GGCX: variants seen among roughly 807,000 people sequenced by gnomAD.
GGCX encodes vitamin K-dependent gamma-carboxylase.
GGCX carries 63 observed loss-of-function variants against 88.5 expected under a neutral mutation model. The observed-to-expected ratio is 0.71, with a 90% CI of 0.58 to 0.88. The LOEUF is 0.88. GGCX is among the 40% of genes least tolerant of loss of function. The probability of loss-of-function intolerance (pLI) is 0.00; values close to 1 mark genes in which losing one functional copy is unlikely to be tolerated. For synonymous variants in GGCX, 368 were observed against 365.8 expected (o/e 1.01, Z -0.07); for missense variants, 805 against 932.9 (o/e 0.86, Z 1.79).
Position 85,547,395 on chromosome 2 carries a change from T to A in GGCX, c.*2539A>T, listed in dbSNP as rs1558801830. The A allele has an allele frequency of 6.6e-6, 1 of 152,324 alleles. No individual in the cohort carries two copies. Among genetic ancestry groups the A allele is most frequent in the South Asian group, 2.1e-4 (1 of 4,824 alleles). 9.4% of individuals were successfully genotyped at this position (152,324 alleles called of 1,614,324 possible). A position where few individuals can be genotyped will look rare whatever the true frequency, so the allele number is the denominator to read the frequency against. ...ACTCTACCCCACTGAACAGCTTTTA[T>A]TACCAGTATTTACATGACCACTTTT... On this transcript the variant is annotated 3_prime_UTR_variant, in exon 15 of 15. Coordinates refer to ENST00000233838, the MANE Select transcript of GGCX (RefSeq NM_000821.7).
At position 85,558,969 on chromosome 2, in the gene GGCX, T is replaced by C; in HGVS notation, c.321A>G (p.Leu107=). ...DVCRFPLLDA[L]RPLPLDWMYL... ...ACATCCAGTCAAGTGGCAGTGGGCG[T>C]AGGGCATCCAGCAAGGGGAAGCGGC... Residue 107 remains leucine, a synonymous_variant, in exon 3 of 15, where the codon CTA becomes CTG. Coordinates refer to ENST00000233838, the MANE Select transcript of GGCX (RefSeq NM_000821.7). 2 of 1,613,896 alleles carry C rather than the reference T, an allele frequency of 1.2e-6. No individual in the cohort carries two copies. Among genetic ancestry groups the C allele is most frequent in the South Asian group, 2.2e-5 (2 of 91,078 alleles).
At chr2:85,554,399 G>T in intron 6 of GGCX, 93 bp from the exon 7 acceptor site, 1 of 1,118,262 alleles carries the variant, frequency 8.9e-7, no homozygotes, top group Non-Finnish European at 1.4e-6. Flanking sequence ...TACTCCAGTG[G>T]CTGGGTAGAT....
In GGCX at chr2:85,551,073, C is replaced by G. The variant is rs1573319702; in HGVS notation, c.1741-1G>C. 2 of 1,613,584 alleles carry G rather than the reference C, an allele frequency of 1.2e-6. No homozygotes were observed. The highest frequency in any genetic ancestry group is 2.7e-5 in the African/African-American group (2 of 74,918). On this transcript the variant is annotated splice_acceptor_variant, in intron 12 of 14. Coordinates refer to ENST00000233838, the MANE Select transcript of GGCX (RefSeq NM_000821.7). LOFTEE classifies it high-confidence loss of function. ...CCTTATGGTACTCACCAGCAGGCAACTGACAAGGGAGAAGAAATGGATAAA... is the reference window on the plus strand; with the variant it reads ...CCTTATGGTACTCACCAGCAGGCAAGTGACAAGGGAGAAGAAATGGATAAA...
intron 6 of GGCX, 179 bp from the exon 7 acceptor site, chr2:85,554,485 A>T (rs1013302274): frequency 2.3e-6 from 1 of 440,624 alleles, no homozygotes; most frequent in East Asian, 3.5e-5. Context: ...GTTGTTGTTG[A>T]AACGAAGTTT....
Position 85,548,896 on chromosome 2 carries a change from A to T in GGCX, c.*1038T>A, listed in dbSNP as rs1191659444. ...TAGAATAATACCAAATACTAAGCTT[A>T]TTTTTAGAGAAAATCTAGCAATCAT... On this transcript the variant is annotated 3_prime_UTR_variant, in exon 15 of 15. Coordinates refer to ENST00000233838, the MANE Select transcript of GGCX (RefSeq NM_000821.7). The T allele has an allele frequency of 6.6e-6, 1 of 152,186 alleles. No individual in the cohort carries two copies. The highest frequency in any genetic ancestry group is 1.5e-5 in the Non-Finnish European group (1 of 68,034). The allele number at this position is 152,186 out of a possible 1,614,324, so 9.4% of individuals were successfully genotyped here.
chr2:85,554,493 T>C (rs1692120501), intron 6 of GGCX, 187 bp from the exon 7 acceptor site: 1 of 528,694 alleles, frequency 1.9e-6, no homozygotes, highest in African/African-American at 2.5e-5. Context: ...TGAAACGAAG[T>C]TTCACTCTGT....
chr2:85,561,017 C>G (rs1254898), intron 1 of GGCX, 32 bp from the exon 2 acceptor site: 2 of 1,566,656 alleles, frequency 1.3e-6, no homozygotes, highest in Non-Finnish European at 1.8e-6. Context: ...AATATGTGTG[C>G]GGGGGTGGGC....
chr2:85,550,922 C>T lies in GGCX; in HGVS notation c.1888+3G>A. 2 of 1,614,050 alleles carry T rather than the reference C, an allele frequency of 1.2e-6. No homozygotes were observed. The highest frequency in any genetic ancestry group is 1.1e-5 in the South Asian group (1 of 91,060). Reference sequence around the variant, plus strand: ...ATCTCAGCCCAAATGTTCATACACTCACCACTTCCATTCTCCACCTTTTCC... The same window carrying T: ...ATCTCAGCCCAAATGTTCATACACTTACCACTTCCATTCTCCACCTTTTCC... On this transcript the variant is annotated splice_donor_region_variant and intron_variant, in intron 13 of 14. Transcript: ENST00000233838.
At chr2:85,551,392 T>G in intron 12 of GGCX, 88 bp downstream of exon 12, 1 of 1,352,864 alleles carries the variant, frequency 7.4e-7, no homozygotes, top group Non-Finnish European at 1.1e-6. Context: ...ATTCCTGGCT[T>G]CCCACCTCAG....
intron 14 of GGCX, among the ~76,000 whole-genome samples, 164 bp downstream of exon 14, chr2:85,550,391 T>C (rs1243299091): frequency 2.0e-5 from 3 of 152,088 alleles, no homozygotes; most frequent in Non-Finnish European, 2.9e-5. Context: ...CCATCAGATA[T>C]AGGCCACTTA....
At chr2:85,555,994 G>C (rs1051705347) in intron 5 of GGCX, among the ~76,000 whole-genome samples, 188 bp downstream of exon 5, 40 of 151,996 alleles carry the variant, frequency 2.6e-4, no homozygotes, top group African/African-American at 9.4e-4. Flanking sequence ...GTCTTTCCTT[G>C]ACAAATAAGA....
At position 85,560,966 on chromosome 2, in the gene GGCX, C is replaced by T; in HGVS notation, c.63G>A (p.Lys21=). 6.2e-7 allele frequency: 1 copy of T among 1,613,850 alleles called. No individual in the cohort carries two copies. The highest frequency in any genetic ancestry group is 8.5e-7 in the Non-Finnish European group (1 of 1,179,730). ...GCCTGGGCCCTGAGATCAGTTCAGC[C>T]TTGTCTTTCTGTACTTTATCTGCAA... ...SPSSDKVQKD[K]AELISGPRQD... The change falls in exon 2 of 15, where the codon AAG becomes AAA. Residue 21 remains lysine, a synonymous_variant. Coordinates refer to ENST00000233838, the MANE Select transcript of GGCX (RefSeq NM_000821.7).
Position 85,549,552 on chromosome 2 carries a change from G to T in GGCX, c.*382C>A. 4.0e-6 allele frequency: 1 copy of T among 249,740 alleles called. No individual in the cohort carries two copies. The highest frequency in any genetic ancestry group is 4.2e-5 in the South Asian group (1 of 23,698). 15.5% of individuals were successfully genotyped at this position (249,740 alleles called of 1,614,324 possible). ...ATTTTTGTATTTTTAGTAGAGAAGG[G>T]GTTTTGCCATGTTGGCCAGGCTGGT... On this transcript the variant is annotated 3_prime_UTR_variant, in exon 15 of 15. Coordinates refer to ENST00000233838, the MANE Select transcript of GGCX (RefSeq NM_000821.7).
intron 5 of GGCX, 101 bp from the exon 6 acceptor site, chr2:85,555,691 T>C (rs898592304): frequency 1.4e-6 from 1 of 729,566 alleles, no homozygotes; most frequent in African/African-American, 1.7e-5. Flanking sequence ...CTTGAATCCA[T>C]GCTCCTGAGT....
intron 14 of GGCX, 65 bp from the exon 15 acceptor site, chr2:85,550,191 G>T: frequency 8.1e-7 from 1 of 1,228,638 alleles, no homozygotes; most frequent in Non-Finnish European, 1.2e-6. Context: ...TTCAGCTAAA[G>T]CCCTTAGAAG....
rs1274809815 is a variant in GGCX, at chr2:85,549,951, C to A, written c.2260G>T (p.Val754Phe). Residue 754 changes from valine to phenylalanine, a missense_variant, in exon 15 of 15, where the codon GTC becomes TTC. Val to Phe is a conservative substitution (Grantham distance 50). This residue lies in a region of GGCX where 680 missense variants were observed against 763.7 expected (regional missense o/e 0.89). Transcript: ENST00000233838. ...GGCCCCCTTCAGAACTCTGAGTGGA[C>A]AGGATCAGGATTTGACTCAGGAGGA... ...SNPPESNPDP[V>F]HSEF 6.2e-7 allele frequency: 1 copy of A among 1,612,892 alleles called. No homozygotes were observed. Among genetic ancestry groups the A allele is most frequent in the Non-Finnish European group, 8.5e-7 (1 of 1,179,136 alleles).
At chr2:85,557,307 G>A (rs1210544246) in intron 4 of GGCX, among the ~76,000 whole-genome samples, 1 of 152,174 alleles carries the variant, frequency 6.6e-6, no homozygotes, top group Non-Finnish European at 1.5e-5. Flanking sequence ...GCAACATAGT[G>A]AGATCCCATC....
intron 2 of GGCX, among the ~76,000 whole-genome samples, chr2:85,559,372 G>A (rs17026453): frequency 0.012 from 1,853 of 152,316 alleles, 43 homozygotes; most frequent in African/African-American, 0.042. Context: ...TATAAAAACT[G>A]TTAGGGTCTT....
chr2:85,549,841 A>T lies in GGCX; in HGVS notation c.*93T>A. ...CCCGCCCCCCCAAAAAAAAAAAAAA[A>T]ACTTTTGAGAATTTTTTTCAAATAA... is the stretch of plus-strand genomic sequence containing the variant. On this transcript the variant is annotated 3_prime_UTR_variant, in exon 15 of 15. Transcript: ENST00000233838. 1 of 725,360 alleles carries T rather than the reference A, an allele frequency of 1.4e-6. No homozygotes were observed. The highest frequency in any genetic ancestry group is 2.3e-6 in the Non-Finnish European group (1 of 442,622). 44.9% of individuals were successfully genotyped at this position (725,360 alleles called of 1,614,324 possible).
Sources: allele counts gnomAD v4.1 joint callset (sites outside exome capture counted in the v4.1 genomes callset), GRCh38; gene constraint gnomAD v4.1.1; regional missense constraint gnomAD v4.1.1; transcripts MANE v1.5; gene names NCBI Gene and HGNC (gene_info 2026-07-23, HGNC 2026-07-21).